Variants in ANXA10 observed in about 807,000 individuals in gnomAD.
ANXA10 encodes annexin A10, also known as annexin 14.
In ANXA10, 49 loss-of-function variants were observed where a neutral mutation model predicts 53.5. That is an observed-to-expected ratio of 0.92 (90% CI 0.73 to 1.16). The LOEUF (loss-of-function observed/expected upper bound fraction) is 1.16. ANXA10 is among the 50% of genes most tolerant of loss of function. ANXA10 has a pLI of 0.00. For synonymous variants in ANXA10, 131 were observed against 128.9 expected, an observed-to-expected ratio of 1.02 and a Z score of -0.11; for missense variants, 393 against 394.4, an observed-to-expected ratio of 1.00 and a Z score of 0.03.
intron 1 of ANXA10, among the ~76,000 whole-genome samples, chr4:168,121,239 C>T (rs1290799429): frequency 6.6e-6 from 1 of 152,060 alleles, no homozygotes; most frequent in Non-Finnish European, 1.5e-5. Flanking sequence ...CACATTCTAA[C>T]AAGGCATGAA....
chr4:168,161,118 T>C (rs1244980963), intron 3 of ANXA10, among the ~76,000 whole-genome samples: 1 of 152,188 alleles, frequency 6.6e-6, no homozygotes. Context: ...GGAGTTTTCA[T>C]CATGAAATAT....
chr4:168,172,164 G>A (rs1732003369), intron 6 of ANXA10, among the ~76,000 whole-genome samples: 1 of 152,094 alleles, frequency 6.6e-6, no homozygotes, highest in Admixed American at 6.6e-5. Flanking sequence ...GGCCGTCTCA[G>A]GCCCTTTACA....
intron 3 of ANXA10, among the ~76,000 whole-genome samples, chr4:168,162,149 T>C (rs1359721952): frequency 6.6e-6 from 1 of 152,208 alleles, no homozygotes; most frequent in East Asian, 1.9e-4. Flanking sequence ...AAAGTGCATA[T>C]TTTCTTTAAG....
intron 1 of ANXA10, among the ~76,000 whole-genome samples, chr4:168,105,631 C>A (rs989357953): frequency 6.6e-5 from 10 of 151,846 alleles, no homozygotes; most frequent in African/African-American, 2.4e-4. Flanking sequence ...GGGTATATAC[C>A]CAGTAGTGAG....
At chr4:168,163,889 C>T (rs1731828009) in intron 4 of ANXA10, among the ~76,000 whole-genome samples, 1 of 152,128 alleles carries the variant, frequency 6.6e-6, no homozygotes, top group Admixed American at 6.6e-5. Flanking sequence ...ATTCCAACAG[C>T]AAATGGAAAT....
Position 168,127,812 on chromosome 4 carries a change from G to A in ANXA10, c.19-272G>A, listed in dbSNP as rs773317533. On this transcript the variant is annotated intron_variant, in intron 1 of 11. Transcript: ENST00000359299. ...TTTCATTTGTCTGGAAAACAATGTT[G>A]AAACCTTTTTTTTTTTTTTTTTTTT... 7 of 366,812 alleles carry A rather than the reference G, an allele frequency of 1.9e-5. No homozygotes were observed. The South Asian group carries it at 2.0e-4, about 10-fold the overall frequency. 22.7% of individuals were successfully genotyped at this position (366,812 alleles called of 1,614,324 possible).
intron 3 of ANXA10, among the ~76,000 whole-genome samples, chr4:168,156,747 C>T (rs1483267399): frequency 5.9e-5 from 9 of 151,898 alleles, no homozygotes; most frequent in East Asian, 1.9e-4. Flanking sequence ...TCCTGATCCT[C>T]CTGCCTCGGC....
intron 3 of ANXA10, among the ~76,000 whole-genome samples, chr4:168,156,960 A>G (rs1394363595): frequency 6.6e-6 from 1 of 152,102 alleles, no homozygotes; most frequent in Non-Finnish European, 1.5e-5. Flanking sequence ...GGCTTATTAA[A>G]AAATCATTCC....
At chr4:168,128,243 T>C (rs1731104401) in intron 2 of ANXA10, 78 bp downstream of exon 2, 14 of 1,021,850 alleles carry the variant, frequency 1.4e-5, no homozygotes, top group Non-Finnish European at 1.8e-5. Context: ...ACTGTGGGTA[T>C]AAAATAGTTG....
chr4:168,130,983 A>G (rs1034801685), intron 2 of ANXA10, among the ~76,000 whole-genome samples: 8 of 151,732 alleles, frequency 5.3e-5, no homozygotes, highest in Non-Finnish European at 1.0e-4. Flanking sequence ...TGATTTTCCA[A>G]TTTCAAATTC....
chr4:168,118,133 G>A (rs1466560845), intron 1 of ANXA10, among the ~76,000 whole-genome samples: 2 of 150,664 alleles, frequency 1.3e-5, no homozygotes, highest in African/African-American at 2.5e-5. Context: ...AAACAATGTT[G>A]ATCAAAATGA....
chr4:168,132,380 C>A (rs1260016087), intron 2 of ANXA10, among the ~76,000 whole-genome samples: 2 of 151,968 alleles, frequency 1.3e-5, no homozygotes, highest in Admixed American at 6.6e-5. Context: ...CACAGAAAGA[C>A]AAACATTGCA....
chr4:168,119,064 T>G (rs1730944716), intron 1 of ANXA10, among the ~76,000 whole-genome samples: 2 of 152,196 alleles, frequency 1.3e-5, no homozygotes, highest in South Asian at 4.1e-4. Context: ...TGATTTTTAT[T>G]TAGTGTGCCT....
chr4:168,119,669 C>A (rs1194766820), intron 1 of ANXA10, among the ~76,000 whole-genome samples: 1 of 151,996 alleles, frequency 6.6e-6, no homozygotes, highest in Non-Finnish European at 1.5e-5. Context: ...TTATACGCTG[C>A]AAACAATTGA....
chr4:168,132,688 G>T (rs757352709), intron 2 of ANXA10, among the ~76,000 whole-genome samples: 28 of 152,048 alleles, frequency 1.8e-4, no homozygotes, highest in Non-Finnish European at 3.7e-4. Context: ...CATTCTTCAT[G>T]ATGTGCTTAT....
intron 3 of ANXA10, among the ~76,000 whole-genome samples, chr4:168,156,062 ATC>A (rs1373964288): frequency 2.5e-3 from 145 of 59,006 alleles, no homozygotes; most frequent in Non-Finnish European, 3.3e-3. Flanking sequence ...TATATTATAT[ATC>A]ATATATTATA....
chr4:168,156,697 G>T (rs1232224286), intron 3 of ANXA10, among the ~76,000 whole-genome samples: 1 of 151,424 alleles, frequency 6.6e-6, no homozygotes, highest in Admixed American at 6.6e-5. Flanking sequence ...TAGAGACGGG[G>T]TTTCATTGTG....
intron 1 of ANXA10, 102 bp downstream of exon 1, chr4:168,092,820 C>A: frequency 1.7e-6 from 2 of 1,146,152 alleles, no homozygotes; most frequent in South Asian, 1.7e-5. Flanking sequence ...AAATGTTGTT[C>A]TAATTTGTTT....
Position 168,179,256 on chromosome 4 carries a change from T to C in ANXA10, c.668T>C (p.Val223Ala), listed in dbSNP as rs1432470721. The change falls in exon 9 of 12, where the codon GTA becomes GCA. Residue 223 changes from valine (V) to alanine (A), a missense_variant. Coordinates refer to ENST00000359299, the MANE Select transcript of ANXA10 (RefSeq NM_007193.5). ...CAAAATATTTCTGGGCAAGATATGGTAGATGCCATTAATGAATGTTATGAT... is the reference window on the plus strand; with the variant it reads ...CAAAATATTTCTGGGCAAGATATGGCAGATGCCATTAATGAATGTTATGAT... ...EFQNISGQDM[V>A]DAINECYDGY... 1 of 1,611,960 alleles carries C rather than the reference T, an allele frequency of 6.2e-7. No homozygotes were observed. The highest frequency in any genetic ancestry group is 8.5e-7 in the Non-Finnish European group (1 of 1,179,108).
Sources: allele counts gnomAD v4.1 joint callset (sites outside exome capture counted in the v4.1 genomes callset), GRCh38; gene constraint gnomAD v4.1.1; transcripts MANE v1.5; gene names NCBI Gene and HGNC (gene_info 2026-07-23, HGNC 2026-07-21).